PDE6B: variants seen among roughly 807,000 people sequenced by gnomAD.
The protein encoded by PDE6B is rod cGMP-specific 3',5'-cyclic phosphodiesterase subunit beta.
In PDE6B, 106 loss-of-function variants were observed where a neutral mutation model predicts 109.0. That is an observed-to-expected ratio of 0.97 (90% CI 0.83 to 1.14). PDE6B has a LOEUF of 1.14. Ranked by LOEUF, PDE6B falls within the 50% of genes most tolerant of loss-of-function variation. The pLI, the probability that PDE6B is intolerant of heterozygous loss-of-function variation, is 0.00. For synonymous variants in PDE6B, 490 were observed against 471.3 expected, an observed-to-expected ratio of 1.04 and a Z score of -0.51; for missense variants, 1,193 against 1,155.6, an observed-to-expected ratio of 1.03 and a Z score of -0.47.
rs1737714831 is a variant in PDE6B, at chr4:665,690, T to C, written c.2268+361T>C. Among the ~76,000 whole-genome samples, 1 of 151,664 alleles carries C rather than the reference T, an allele frequency of 6.6e-6. No homozygotes were observed. ...TGGGGCAGAGAACGCATGGGGGGCG[T>C]CCCGGGCCCACACAGTGGTATGATG... On this transcript the variant is annotated intron_variant, in intron 19 of 21. Transcript: ENST00000496514. This position sits in a 1 kb window ranked among gnomAD's most constrained non-coding sequence, Gnocchi z 4.0.
intron 5 of PDE6B, 179 bp from the exon 6 acceptor site, chr4:654,645 A>C: frequency 1.4e-6 from 1 of 695,656 alleles, no homozygotes. Flanking sequence ...GTGCACCCGC[A>C]TTCGTAGAAT....
chr4:667,726 CCCTCCGTGGCGCTCCCT>C, intron 20 of PDE6B, 113 bp from the exon 21 acceptor site: 1 of 946,388 alleles, frequency 1.1e-6, no homozygotes, highest in Non-Finnish European at 1.7e-6. Context: ...GGAAGGTGCC[CCCTCCGTGGCGCTCCCT>C]CCTCCTGCCA....
chr4:645,384 G>A lies in PDE6B; in HGVS notation c.712-8468G>A, dbSNP rs941058994. ...GATCTCGGCTCACTGCAAGCTCCACGTCCCAGGTTCACGCCATTCTCCTGC... is the reference window on the plus strand; with the variant it reads ...GATCTCGGCTCACTGCAAGCTCCACATCCCAGGTTCACGCCATTCTCCTGC... On this transcript the variant is annotated intron_variant, in intron 3 of 21. Transcript: ENST00000496514. 1.4e-4 allele frequency among the ~76,000 whole-genome samples: 21 copies of A among 145,188 alleles called. No homozygotes were observed. The South Asian group carries it at 2.4e-3, about 17-fold the overall frequency.
rs1369117287 is a variant in PDE6B at position 625,973 on chromosome 4, A to G, written c.347A>G (p.Asp116Gly). 6.3e-7 allele frequency: 1 copy of G among 1,584,182 alleles called. No individual in the cohort carries two copies. The highest frequency in any genetic ancestry group is 2.3e-5 in the East Asian group (1 of 43,224). The change falls in exon 1 of 22, where the codon GAC (aspartate) becomes GGC (glycine). Residue 116 changes from aspartate (D) to glycine (G), a missense_variant. Transcript: ENST00000496514. This position sits in a 1 kb window ranked among gnomAD's most constrained non-coding sequence, Gnocchi z 5.0. ...ACCAGGCTTTTCAGCGTGCAGCCGG[A>G]CAGCGTCCTGGAGGACTGCCTGGTG... The part of the protein sequence containing the change: ...LATRLFSVQP[D>G]SVLEDCLVPP...
chr4:666,621 G>T lies in PDE6B; in HGVS notation c.2352+7G>T. The T allele has an allele frequency of 6.3e-7, 1 of 1,594,724 alleles. No homozygotes were observed. The highest frequency in any genetic ancestry group is 8.6e-7 in the Non-Finnish European group (1 of 1,162,616). ...GTGCACATTCGTGTACAAGGCGAGT[G>T]GTTCACGGGTGTTCCGAGCTGACTG... is the stretch of plus-strand genomic sequence containing the variant. On this transcript the variant is annotated splice_region_variant and intron_variant, in intron 20 of 21. Transcript: ENST00000496514. The surrounding 1 kb of genome is among the most constrained non-coding windows in gnomAD (Gnocchi z 5.6).
chr4:663,736 A>T lies in PDE6B; in HGVS notation c.1921-34A>T. 6.5e-7 allele frequency: 1 copy of T among 1,541,332 alleles called. No individual in the cohort carries two copies. The highest frequency in any genetic ancestry group is 9.0e-7 in the Non-Finnish European group (1 of 1,116,234). ...CCCGGGCACCCTGAGAGGTGGCCGC[A>T]GGGCGCCTGACGCGCTGGGCATAAC... On this transcript the variant is annotated intron_variant, in intron 15 of 21. Transcript: ENST00000496514. The surrounding 1 kb of genome is among the most constrained non-coding windows in gnomAD (Gnocchi z 4.0).
At chr4:629,289 C>CCCCCCCATCA (rs1397023010) in intron 1 of PDE6B, among the ~76,000 whole-genome samples, 5 of 152,178 alleles carry the variant, frequency 3.3e-5, no homozygotes, top group Admixed American at 2.6e-4. Flanking sequence ...AAGCCACCAG[C>CCCCCCCATCA]CCCCCCATCA....
At chr4:649,672 A>G (rs1281418625) in intron 3 of PDE6B, among the ~76,000 whole-genome samples, 1 of 148,928 alleles carries the variant, frequency 6.7e-6, no homozygotes, top group East Asian at 1.9e-4. Flanking sequence ...TCGCTGGTGG[A>G]CCCACAAAGG....
chr4:637,365 C>CCT (rs1238819291), intron 3 of PDE6B, among the ~76,000 whole-genome samples: 1 of 152,082 alleles, frequency 6.6e-6, no homozygotes. Flanking sequence ...GGATCACAGA[C>CCT]ATGTGCCTCC....
intron 6 of PDE6B, chr4:655,150 G>C: frequency 1.8e-6 from 1 of 551,818 alleles, no homozygotes; most frequent in Non-Finnish European, 3.3e-6. Flanking sequence ...ATCCAGAGTG[G>C]ACATACAGGG....
intron 1 of PDE6B, among the ~76,000 whole-genome samples, chr4:627,726 CG>C (rs1734185811): frequency 6.6e-6 from 1 of 151,340 alleles, no homozygotes; most frequent in Admixed American, 6.6e-5. Context: ...CCATCCTCCC[CG>C]TCTCCCTTCC....
In PDE6B at chr4:663,997, G is replaced by T. The variant is rs575143038; in HGVS notation, c.2022-117G>T. On this transcript the variant is annotated intron_variant, in intron 16 of 21. Coordinates refer to ENST00000496514, the MANE Select transcript of PDE6B (RefSeq NM_000283.4). The surrounding 1 kb of genome is among the most constrained non-coding windows in gnomAD (Gnocchi z 4.0). Reference sequence around the variant, plus strand: ...CCCCGGATTCCGTCCCTGCCCGCCGGCCCCGCGCACCCCGGATGGGGCCTC... The same window carrying T: ...CCCCGGATTCCGTCCCTGCCCGCCGTCCCCGCGCACCCCGGATGGGGCCTC... The T allele has an allele frequency of 1.4e-5, 16 of 1,119,750 alleles. No homozygotes were observed. The highest frequency in any genetic ancestry group is 2.2e-5 in the Non-Finnish European group (16 of 738,142). 69.4% of individuals were successfully genotyped at this position (1,119,750 alleles called of 1,614,324 possible). A position where few individuals can be genotyped will look rare whatever the true frequency, so the allele number is the denominator to read the frequency against.
intron 12 of PDE6B, chr4:661,787 C>T (rs767409886): frequency 1.2e-4 from 42 of 359,308 alleles, no homozygotes; most frequent in Non-Finnish European, 2.0e-4. Context: ...TTCAAATGTC[C>T]ATGCCTAAAA....
intron 7 of PDE6B, 49 bp from the exon 8 acceptor site, chr4:656,196 C>G: frequency 7.4e-7 from 1 of 1,353,780 alleles, no homozygotes; most frequent in Non-Finnish European, 1.1e-6. Flanking sequence ...TAGATCATAA[C>G]AGACCTTCCG....
Position 654,087 on chromosome 4 carries a change from T to C in PDE6B, c.860T>C (p.Phe287Ser), listed in dbSNP as rs751980802. 6.2e-7 allele frequency: 1 copy of C among 1,613,934 alleles called. No individual in the cohort carries two copies. The highest frequency in any genetic ancestry group is 2.2e-5 in the East Asian group (1 of 44,886). ...LLDMTKEKEF[F>S]DVWSVLMGES... ...CACCTCTTCTCTGCCCAGGAATTTTTTGACGTGTGGTCTGTGCTGATGGGA... is the reference window on the plus strand; with the variant it reads ...CACCTCTTCTCTGCCCAGGAATTTTCTGACGTGTGGTCTGTGCTGATGGGA... The change falls in exon 5 of 22, where the codon TTT becomes TCT. Residue 287 changes from phenylalanine (F) to serine (S), a missense_variant. Transcript: ENST00000496514.
At chr4:646,159 T>G (rs1177966217) in intron 3 of PDE6B, among the ~76,000 whole-genome samples, 1 of 152,118 alleles carries the variant, frequency 6.6e-6, no homozygotes, top group African/African-American at 2.4e-5. Flanking sequence ...CATTTTCTGC[T>G]GGGCAAGTCC....
In PDE6B at chr4:648,637, C is replaced by G. The variant is rs1326928487; in HGVS notation, c.712-5215C>G. On this transcript the variant is annotated intron_variant, in intron 3 of 21. Transcript: ENST00000496514. This position sits in a 1 kb window ranked among gnomAD's most constrained non-coding sequence, Gnocchi z 4.5. ...TTTCTGAAAAGCCTCTCGGACACTC[C>G]CATCAGAGCCAACAGAGGCCGCAGG... is the stretch of plus-strand genomic sequence containing the variant. 6.6e-6 allele frequency among the ~76,000 whole-genome samples: 1 copy of G among 152,216 alleles called. No individual in the cohort carries two copies. Among genetic ancestry groups the G allele is most frequent in the Non-Finnish European group, 1.5e-5 (1 of 68,042 alleles).
Position 654,269 on chromosome 4 carries a change from C to T in PDE6B, c.927+115C>T, listed in dbSNP as rs763122450. 13 of 929,048 alleles carry T rather than the reference C, an allele frequency of 1.4e-5. No homozygotes were observed. The African/African-American group carries it at 1.5e-4, about 10-fold the overall frequency. The allele number at this position is 929,048 out of a possible 1,614,324, so 57.6% of individuals were successfully genotyped here. A position where few individuals can be genotyped will look rare whatever the true frequency, so the allele number is the denominator to read the frequency against. On this transcript the variant is annotated intron_variant, in intron 5 of 21. Coordinates refer to ENST00000496514, the MANE Select transcript of PDE6B (RefSeq NM_000283.4). Reference sequence around the variant, plus strand: ...GGGGTTTAGGGAGGTGGGAACTGGCCGGTGGGACCCCGGGTGCCTGTCTGT... The same window carrying T: ...GGGGTTTAGGGAGGTGGGAACTGGCTGGTGGGACCCCGGGTGCCTGTCTGT...
chr4:669,917 G>A (rs1427388997), intron 21 of PDE6B, 129 bp from the exon 22 acceptor site: 4 of 789,100 alleles, frequency 5.1e-6, no homozygotes, highest in Non-Finnish European at 9.1e-6. Context: ...ATCGGCTTGG[G>A]CTGGTCACAG....
Sources: allele counts gnomAD v4.1 joint callset (sites outside exome capture counted in the v4.1 genomes callset), GRCh38; gene constraint gnomAD v4.1.1; non-coding constraint Gnocchi (gnomAD v3.1); transcripts MANE v1.5; gene names NCBI Gene and HGNC (gene_info 2026-07-23, HGNC 2026-07-21).